Variants in PLCE1 observed in about 807,000 individuals in gnomAD.
PLCE1 encodes the protein 1-phosphatidylinositol 4,5-bisphosphate phosphodiesterase epsilon-1.
PLCE1 carries 119 observed loss-of-function variants against 242.8 expected under a neutral mutation model. The ratio of observed to expected loss-of-function variants is 0.49; its 90% CI spans 0.42 to 0.57. PLCE1 has a LOEUF of 0.57. Among genes scored for constraint, PLCE1 ranks in the 20% least tolerant of loss-of-function variants. The pLI is 0.00. For missense variants in PLCE1, 2,441 were observed against 2,788.8 expected (o/e 0.88, Z 2.81); for synonymous variants, 945 against 1,017.4 (o/e 0.93, Z 1.35).
At chr10:94,249,010 G>C (rs2050783365) in intron 8 of PLCE1, among the ~76,000 whole-genome samples, 1 of 152,134 alleles carries the variant, frequency 6.6e-6, no homozygotes, top group Non-Finnish European at 1.5e-5. Context: ...GTGACTTAGA[G>C]AAGACTCAGT....
In PLCE1 at chr10:94,328,154, C is replaced by G. The variant is rs1645332691; in HGVS notation, c.*211C>G. On this transcript the variant is annotated 3_prime_UTR_variant, in exon 33 of 33. Coordinates refer to ENST00000371380, the MANE Select transcript of PLCE1 (RefSeq NM_016341.4). Reference sequence around the variant, plus strand: ...CAACCAATTTACTGATGAATGAAGCCCAGGGGACTGCCATTTTATAAATGT... The same window carrying G: ...CAACCAATTTACTGATGAATGAAGCGCAGGGGACTGCCATTTTATAAATGT... The G allele has an allele frequency of 3.3e-6, 1 of 307,376 alleles. No homozygotes were observed. The highest frequency in any genetic ancestry group is 4.0e-5 in the Admixed American group (1 of 25,134). The allele number at this position is 307,376 out of a possible 1,614,324, so 19.0% of individuals were successfully genotyped here. A position where few individuals can be genotyped will look rare whatever the true frequency, so the allele number is the denominator to read the frequency against.
chr10:94,153,000 T>A (rs1445321849), intron 3 of PLCE1, among the ~76,000 whole-genome samples: 1 of 152,190 alleles, frequency 6.6e-6, no homozygotes, highest in East Asian at 1.9e-4. Flanking sequence ...AAAAGGTGCA[T>A]GTTCAACATT....
At chr10:94,020,378 C>T (rs1026837424) in intron 1 of PLCE1, among the ~76,000 whole-genome samples, 1 of 152,032 alleles carries the variant, frequency 6.6e-6, no homozygotes, top group Admixed American at 6.5e-5. Flanking sequence ...TATAGAGGTT[C>T]TTTGTGTATT....
intron 2 of PLCE1, among the ~76,000 whole-genome samples, chr10:94,045,518 C>T (rs1487481687): frequency 1.3e-5 from 2 of 152,192 alleles, no homozygotes; most frequent in Non-Finnish European, 2.9e-5. Context: ...GTTACTTGAA[C>T]AGGTTTACAT....
chr10:94,147,543 T>C (rs978023922), intron 3 of PLCE1, among the ~76,000 whole-genome samples: 2 of 152,072 alleles, frequency 1.3e-5, no homozygotes, highest in Admixed American at 6.6e-5. Flanking sequence ...ATCCAGTAAA[T>C]AGTCAATTGA....
chr10:94,229,506 G>T (rs889556491), intron 5 of PLCE1, among the ~76,000 whole-genome samples: 4 of 152,202 alleles, frequency 2.6e-5, no homozygotes, highest in African/African-American at 9.6e-5. Flanking sequence ...ACATAGGACA[G>T]CATGGATTCC....
rs908906248 is a variant in PLCE1 at position 94,330,988 on chromosome 10, A to C, written c.*3045A>C. The stretch of plus-strand genomic sequence containing the variant: ...ACAAAATTTTAAGAAGCATCACTGA[A>C]AGTGAAGAGAAAGGAGCATGAATTC... On this transcript the variant is annotated 3_prime_UTR_variant, in exon 33 of 33. Transcript: ENST00000371380. The C allele has an allele frequency of 2.4e-4, 37 of 152,232 alleles. No homozygotes were observed. The highest frequency in any genetic ancestry group is 8.4e-4 in the African/African-American group (35 of 41,470). 9.4% of individuals were successfully genotyped at this position (152,232 alleles called of 1,614,324 possible).
At chr10:94,090,220 G>A (rs1418643397) in intron 2 of PLCE1, among the ~76,000 whole-genome samples, 4 of 151,850 alleles carry the variant, frequency 2.6e-5, no homozygotes, top group Non-Finnish European at 5.9e-5. Context: ...CTTGAAAACT[G>A]TTTTGTTTCT....
At chr10:94,054,683 C>G (rs1056841387) in intron 2 of PLCE1, among the ~76,000 whole-genome samples, 1 of 152,182 alleles carries the variant, frequency 6.6e-6, no homozygotes, top group African/African-American at 2.4e-5. Flanking sequence ...TGGACAGATA[C>G]AAAGTAATCA....
chr10:94,048,386 C>T (rs759317985), intron 2 of PLCE1, among the ~76,000 whole-genome samples: 2 of 151,924 alleles, frequency 1.3e-5, no homozygotes, highest in African/African-American at 2.4e-5. Flanking sequence ...AGTTTACACA[C>T]CCCCCAACCC....
intron 2 of PLCE1, chr10:94,105,116 T>C (rs1267555095): frequency 6.6e-6 from 1 of 152,222 alleles, no homozygotes; most frequent in East Asian, 1.9e-4. Flanking sequence ...TTTGAGCTGA[T>C]GGAGGGCCTT....
intron 13 of PLCE1, among the ~76,000 whole-genome samples, chr10:94,260,890 C>G (rs985392309): frequency 6.6e-6 from 1 of 152,018 alleles, no homozygotes; most frequent in Non-Finnish European, 1.5e-5. Flanking sequence ...TACAGAGTTC[C>G]AATATACTCT....
At chr10:94,119,538 G>C (rs1261994784) in intron 2 of PLCE1, among the ~76,000 whole-genome samples, 1 of 152,132 alleles carries the variant, frequency 6.6e-6, no homozygotes, top group Non-Finnish European at 1.5e-5. Context: ...TGCATACACT[G>C]TTCCCTTTGC....
At chr10:94,142,299 GT>G (rs2046995804) in intron 3 of PLCE1, among the ~76,000 whole-genome samples, 1 of 145,044 alleles carries the variant, frequency 6.9e-6, no homozygotes, top group East Asian at 2.1e-4. Flanking sequence ...AGAAGATCAC[GT>G]TAGGCCAGGA....
chr10:94,092,263 C>A (rs1036467524), intron 2 of PLCE1, among the ~76,000 whole-genome samples: 1 of 151,962 alleles, frequency 6.6e-6, no homozygotes, highest in Admixed American at 6.5e-5. Context: ...TTGAGAGGCA[C>A]GGGTGAGAAG....
chr10:94,295,773 G>A (rs1397270181), intron 23 of PLCE1, among the ~76,000 whole-genome samples: 1 of 152,172 alleles, frequency 6.6e-6, no homozygotes, highest in Non-Finnish European at 1.5e-5. Flanking sequence ...GCTGCAGACT[G>A]GATACTGTGT....
intron 21 of PLCE1, 59 bp from the exon 22 acceptor site, chr10:94,284,789 A>T: frequency 2.2e-6 from 2 of 893,466 alleles, no homozygotes; most frequent in Non-Finnish European, 1.9e-6. Context: ...AGCTTTGGGA[A>T]TCCAGAGGTG....
chr10:94,293,586 C>A lies in PLCE1; in HGVS notation c.5114C>A (p.Pro1705Gln), dbSNP rs539813481. ...AGGAAGTCCATTTTTGGCAACAATC[C>A]GGGCAGAATGAGCCCAGGGGAGACA... ...KSRKSIFGNN[P>Q]GRMSPGETAS... Residue 1705 changes from proline (P) to glutamine (Q), a missense_variant, in exon 23 of 33, where the codon CCG becomes CAG. Coordinates refer to ENST00000371380, the MANE Select transcript of PLCE1 (RefSeq NM_016341.4). The A allele has an allele frequency of 3.7e-6, 6 of 1,613,736 alleles. No individual in the cohort carries two copies. In the South Asian group the frequency reaches 5.5e-5, roughly 15 times the overall value.
At chr10:94,096,157 T>C (rs1004528640) in intron 2 of PLCE1, among the ~76,000 whole-genome samples, 1 of 152,166 alleles carries the variant, frequency 6.6e-6, no homozygotes, top group African/African-American at 2.4e-5. Context: ...TATGGAATGA[T>C]GTTAAAGATT....
Sources: gnomAD v4.1 joint callset for allele counts (sites outside exome capture counted in the v4.1 genomes callset) on GRCh38, gnomAD v4.1.1 for gene constraint, MANE v1.5 for transcripts, NCBI Gene and HGNC (gene_info 2026-07-23, HGNC 2026-07-21) for gene names.